LYST: variants seen among roughly 807,000 people sequenced by gnomAD.
LYST encodes lysosomal trafficking regulator.
Under a neutral mutation model 413.6 loss-of-function variants are expected in LYST, and 192 were observed. The ratio of observed to expected loss-of-function variants is 0.46; its 90% CI spans 0.41 to 0.52. LYST has a LOEUF of 0.52. Among genes scored for constraint, LYST ranks in the 20% least tolerant of loss-of-function variants. The pLI is 0.00. For synonymous variants in LYST, 1,525 were observed against 1,567.3 expected, an observed-to-expected ratio of 0.97 and a Z score of 0.64; for missense variants, 3,815 against 4,499.9, an observed-to-expected ratio of 0.85 and a Z score of 4.35.
chr1:235,878,146 C>T (rs10803120), intron 1 of LYST, among the ~76,000 whole-genome samples: 63,364 of 152,092 alleles, frequency 0.42, 14,001 homozygotes, highest in African/African-American at 0.53. Flanking sequence ...TCACTTCACA[C>T]GTGTTGGCAA....
chr1:235,663,989 G>A lies in LYST; in HGVS notation c.11262C>T (p.Ile3754=). The change falls in exon 52 of 53, where the codon ATC becomes ATT. Residue 3754 remains isoleucine (I), a synonymous_variant. Transcript: ENST00000389793. ...EITFPKSNKP[I]ISLTFSCDGH... ...AGAGGGGGAGAAGATCTTACCTGATGATGGGCTTATTTGATTTGGGAAATG... is the reference window on the plus strand; with the variant it reads ...AGAGGGGGAGAAGATCTTACCTGATAATGGGCTTATTTGATTTGGGAAATG... 2 of 1,609,820 alleles carry A rather than the reference G, an allele frequency of 1.2e-6. No individual in the cohort carries two copies. Among genetic ancestry groups the A allele is most frequent in the Non-Finnish European group, 1.7e-6 (2 of 1,176,068 alleles).
At chr1:235,683,088 G>C (rs1231921386) in intron 48 of LYST, among the ~76,000 whole-genome samples, 1 of 152,192 alleles carries the variant, frequency 6.6e-6, no homozygotes, top group Non-Finnish European at 1.5e-5. Context: ...TCTGTGAAAT[G>C]AGTAACAGTT....
At chr1:235,880,730 A>C (rs1681340123) in intron 1 of LYST, among the ~76,000 whole-genome samples, 1 of 152,192 alleles carries the variant, frequency 6.6e-6, no homozygotes, top group Non-Finnish European at 1.5e-5. Context: ...ACCAGAACCT[A>C]TCTTGTCACC....
Position 235,833,577 on chromosome 1 carries a change from C to G in LYST, c.-8+1G>C. ...TAATATTTATTACATTATATACTTA[C>G]CAGTCTTTCACCACTGCTGTGACAT... On this transcript the variant is annotated splice_donor_variant, in intron 2 of 52. Coordinates refer to ENST00000389793, the MANE Select transcript of LYST (RefSeq NM_000081.4). LOFTEE classifies it low-confidence loss of function (5UTR_SPLICE). 1.3e-6 allele frequency: 1 copy of G among 762,500 alleles called. No homozygotes were observed. Among genetic ancestry groups the G allele is most frequent in the Non-Finnish European group, 1.6e-6 (1 of 626,374 alleles). The allele number at this position is 762,500 out of a possible 1,614,324, so 47.2% of individuals were successfully genotyped here. A position where few individuals can be genotyped will look rare whatever the true frequency, so the allele number is the denominator to read the frequency against.
At chr1:235,850,984 A>G (rs1006561646) in intron 1 of LYST, among the ~76,000 whole-genome samples, 3 of 152,184 alleles carry the variant, frequency 2.0e-5, no homozygotes, top group Admixed American at 6.5e-5. Context: ...TTAAAGAACT[A>G]AAAGTAGAAC....
chr1:235,836,716 G>A (rs373356106), intron 1 of LYST, among the ~76,000 whole-genome samples: 2 of 152,204 alleles, frequency 1.3e-5, no homozygotes, highest in African/African-American at 4.8e-5. Flanking sequence ...AAGAATGCAA[G>A]TCCCTCCCAA....
rs1193772891 is a variant in LYST at position 235,809,589 on chromosome 1, T to C, written c.1229A>G (p.Gln410Arg). The change falls in exon 5 of 53, where the codon CAG becomes CGG. Residue 410 changes from glutamine to arginine, a missense_variant. By Grantham distance (43) the Gln-to-Arg change is conservative. Transcript: ENST00000389793. This position sits in a 1 kb window ranked among gnomAD's most constrained non-coding sequence, Gnocchi z 4.0. ...ACTTTGAAGACAACAGATCAGAATC[T>C]GAAGAACTCCTTCCAAAAGCTCAGG... ...LLPELLEGVLQILICCLQSAA... is the reference protein window; with the variant it reads ...LLPELLEGVLRILICCLQSAA... 1 of 1,614,062 alleles carries C rather than the reference T, an allele frequency of 6.2e-7. No individual in the cohort carries two copies. The highest frequency in any genetic ancestry group is 1.6e-4 in the Middle Eastern group (1 of 6,062).
intron 31 of LYST, 39 bp downstream of exon 31, chr1:235,741,383 C>G: frequency 2.7e-6 from 4 of 1,484,708 alleles, no homozygotes; most frequent in Non-Finnish European, 3.8e-6. Context: ...TGTATTTCAC[C>G]AAACGTTTTA....
At position 235,791,895 on chromosome 1, in the gene LYST, T is replaced by G. The variant is rs1340225733; in HGVS notation, c.4347A>C (p.Ser1449=). Reference sequence around the variant, plus strand: ...GGTGGACTGGGGCTATGTGCCAAGATGAAAGCAGCCGATGGGGAAAACTCT... The same window carrying G: ...GGTGGACTGGGGCTATGTGCCAAGAGGAAAGCAGCCGATGGGGAAAACTCT... ...DRESFPHRLL[S]SWHIAPVHLP... The change falls in exon 12 of 53, where the codon TCA becomes TCC. Residue 1449 remains serine, a synonymous_variant. Transcript: ENST00000389793. 2 of 1,614,056 alleles carry G rather than the reference T, an allele frequency of 1.2e-6. No homozygotes were observed. The highest frequency in any genetic ancestry group is 2.7e-5 in the African/African-American group (2 of 74,934).
rs1403796762 is a variant in LYST, at chr1:235,712,692, T to C, written c.9785-495A>G. 7.1e-6 allele frequency: 7 copies of C among 985,276 alleles called. No homozygotes were observed. In the East Asian group the frequency reaches 4.5e-4, roughly 64 times the overall value. 61.0% of individuals were successfully genotyped at this position (985,276 alleles called of 1,614,324 possible). A position where few individuals can be genotyped will look rare whatever the true frequency, so the allele number is the denominator to read the frequency against. On this transcript the variant is annotated intron_variant, in intron 42 of 52. Transcript: ENST00000389793. ...CCTTTCTTTTCTTTCTTTCTTTTTT[T>C]TCGGGGGGGTGCGTAGGTTACGGTG...
intron 14 of LYST, among the ~76,000 whole-genome samples, chr1:235,783,847 G>A (rs145292565): frequency 2.3e-4 from 35 of 150,982 alleles, no homozygotes; most frequent in African/African-American, 8.1e-4. Flanking sequence ...ATTTTAAAAG[G>A]CCTCTTCAAA....
At position 235,663,019 on chromosome 1, in the gene LYST, A is replaced by G; in HGVS notation, c.11327T>C (p.Ile3776Thr). Residue 3776 changes from isoleucine (I) to threonine (T), a missense_variant, in exon 53 of 53, where the codon ATT (isoleucine) becomes ACT (threonine). This residue lies in a region of LYST where 866 missense variants were observed against 1,156.0 expected (regional missense o/e 0.75). Coordinates refer to ENST00000389793, the MANE Select transcript of LYST (RefSeq NM_000081.4). ...CTGCTGGTCCTTCCGACACCAGGCA[A>G]TCACGGTCCCATCACTGTTTGCTGT... ...LYTANSDGTV[I>T]AWCRKDQQRL... is the part of the protein sequence containing the mutation. 1 of 1,614,166 alleles carries G rather than the reference A, an allele frequency of 6.2e-7. No homozygotes were observed. The highest frequency in any genetic ancestry group is 1.1e-5 in the South Asian group (1 of 91,082).
At chr1:235,744,204 C>T in intron 29 of LYST, 47 bp from the exon 30 acceptor site, 1 of 1,010,042 alleles carries the variant, frequency 9.9e-7, no homozygotes, top group Non-Finnish European at 1.6e-6. Context: ...TCACTGCTAT[C>T]TTGCCATTAT....
chr1:235,682,315 A>T (rs1659888374), intron 48 of LYST, among the ~76,000 whole-genome samples: 1 of 152,184 alleles, frequency 6.6e-6, no homozygotes, highest in African/African-American at 2.4e-5. Flanking sequence ...AAAGGGCAAG[A>T]CCCTGTATGC....
rs549795247 is a variant in LYST at position 235,685,933 on chromosome 1, G to T, written c.10800+1016C>A. 5.3e-5 allele frequency among the ~76,000 whole-genome samples: 8 copies of T among 151,834 alleles called. No individual in the cohort carries two copies. In the South Asian group the frequency reaches 1.7e-3, roughly 32 times the overall value. ...ATGCTAGAAATACAGGTTTCACTCA[G>T]TAAAACAGATTTAATACTATAAAGA... On this transcript the variant is annotated intron_variant, in intron 48 of 52. Transcript: ENST00000389793.
chr1:235,742,984 T>G (rs1665566454), intron 30 of LYST, among the ~76,000 whole-genome samples: 1 of 152,202 alleles, frequency 6.6e-6, no homozygotes, highest in Non-Finnish European at 1.5e-5. Flanking sequence ...GTTAATCTCT[T>G]ACTATGCTTA....
At chr1:235,824,416 G>A (rs1675102198) in intron 3 of LYST, among the ~76,000 whole-genome samples, 1 of 152,172 alleles carries the variant, frequency 6.6e-6, no homozygotes, top group Non-Finnish European at 1.5e-5. Context: ...ATTACACAGA[G>A]ACAATTTTTA....
intron 19 of LYST, among the ~76,000 whole-genome samples, chr1:235,771,184 G>A (rs555766572): frequency 6.6e-6 from 1 of 151,930 alleles, no homozygotes; most frequent in Admixed American, 6.6e-5. Context: ...CAGCAGACAA[G>A]GCAGCCAAAG....
rs1315151797 is a variant in LYST at position 235,709,431 on chromosome 1, C to A, written c.9926-123G>T. 5 of 734,374 alleles carry A rather than the reference C, an allele frequency of 6.8e-6. No homozygotes were observed. In the African/African-American group the frequency reaches 7.3e-5, roughly 11 times the overall value. 45.5% of individuals were successfully genotyped at this position (734,374 alleles called of 1,614,324 possible). ...GTGCTACAACCAAAAAAGGGAATAG[C>A]AAGGAGGATTTACATTTTGAATAAG... is the stretch of plus-strand genomic sequence containing the variant. On this transcript the variant is annotated intron_variant, in intron 43 of 52. Coordinates refer to ENST00000389793, the MANE Select transcript of LYST (RefSeq NM_000081.4).
Sources: gnomAD v4.1 joint callset for allele counts (sites outside exome capture counted in the v4.1 genomes callset) on GRCh38, gnomAD v4.1.1 for gene constraint, gnomAD v4.1.1 regional missense constraint, Gnocchi (gnomAD v3.1) non-coding constraint, MANE v1.5 for transcripts, NCBI Gene and HGNC (gene_info 2026-07-23, HGNC 2026-07-21) for gene names.